The following FBXO11 variants were observed in gnomAD, a reference collection of about 807,000 sequenced individuals.
The protein encoded by FBXO11 is F-box protein 11, also known as F-box only protein 11.
FBXO11 carries 13 observed loss-of-function variants against 117.0 expected under a neutral mutation model. The observed-to-expected ratio is 0.11, with a 90% CI of 0.07 to 0.18. The LOEUF is 0.18. Among genes scored for constraint, FBXO11 ranks in the 10% least tolerant of loss-of-function variants. FBXO11 has a pLI of 1.00. For synonymous variants in FBXO11, 490 were observed against 380.5 expected (o/e 1.29, Z -3.35); for missense variants, 767 against 1,164.4 (o/e 0.66, Z 4.97).
chr2:47,899,211 T>G (rs1320359520), intron 1 of FBXO11, among the ~76,000 whole-genome samples: 4 of 150,580 alleles, frequency 2.7e-5, no homozygotes, highest in Admixed American at 2.0e-4. Flanking sequence ...GAGGCGGAGC[T>G]TGCGGTGAGC....
At chr2:47,838,797 GTTTAGCAT>G in intron 4 of FBXO11, 54 bp downstream of exon 4, 1 of 1,520,548 alleles carries the variant, frequency 6.6e-7, no homozygotes. Context: ...TTCCTACCAT[GTTTAGCAT>G]TTTGGGCAAC....
intron 1 of FBXO11, among the ~76,000 whole-genome samples, chr2:47,872,996 A>G (rs1421432314): frequency 6.6e-6 from 1 of 152,194 alleles, no homozygotes; most frequent in Non-Finnish European, 1.5e-5. Context: ...GGGCTCCACA[A>G]GCAGTTAAAA....
At chr2:47,879,339 A>G (rs1676263188) in intron 1 of FBXO11, among the ~76,000 whole-genome samples, 1 of 152,192 alleles carries the variant, frequency 6.6e-6, no homozygotes, top group Non-Finnish European at 1.5e-5. Context: ...ATATTGACCA[A>G]TTGCCTTCCA....
chr2:47,824,258 A>G (rs1316649709), intron 11 of FBXO11, among the ~76,000 whole-genome samples: 1 of 152,182 alleles, frequency 6.6e-6, no homozygotes, highest in Non-Finnish European at 1.5e-5. Context: ...AAGACCGAGC[A>G]GGGAGGACTG....
intron 1 of FBXO11, chr2:47,865,981 T>C (rs1675163675): frequency 6.6e-6 from 1 of 152,120 alleles, no homozygotes; most frequent in African/African-American, 2.4e-5. Context: ...TCAGGTACAG[T>C]GGCTCATGCC....
intron 5 of FBXO11, 26 bp downstream of exon 5, chr2:47,835,846 C>G: frequency 6.5e-7 from 1 of 1,532,968 alleles, no homozygotes; most frequent in Non-Finnish European, 8.9e-7. Context: ...TAATATAAAC[C>G]AATATATTCT....
chr2:47,852,850 C>T (rs1231002276), intron 1 of FBXO11, among the ~76,000 whole-genome samples: 1 of 152,036 alleles, frequency 6.6e-6, no homozygotes, highest in Non-Finnish European at 1.5e-5. Flanking sequence ...GATGAGGAAA[C>T]CAGGCAAAGA....
chr2:47,819,477 G>C (rs538789387), intron 14 of FBXO11, among the ~76,000 whole-genome samples: 1 of 152,308 alleles, frequency 6.6e-6, no homozygotes, highest in African/African-American at 2.4e-5. Context: ...GCCTCCCAAA[G>C]TGCTGGGATT....
chr2:47,825,013 C>T (rs1671644864), intron 11 of FBXO11, among the ~76,000 whole-genome samples: 1 of 152,124 alleles, frequency 6.6e-6, no homozygotes, highest in South Asian at 2.1e-4. Flanking sequence ...ACTGTAAGCT[C>T]CTGTCTGGAC....
chr2:47,861,630 G>C (rs1196589073), intron 1 of FBXO11, among the ~76,000 whole-genome samples: 1 of 152,076 alleles, frequency 6.6e-6, no homozygotes, highest in African/African-American at 2.4e-5. Flanking sequence ...CCCATTTATG[G>C]TGACTCCATA....
intron 1 of FBXO11, among the ~76,000 whole-genome samples, chr2:47,846,148 GCCAA>G (rs530469615): frequency 6.6e-5 from 10 of 152,278 alleles, no homozygotes; most frequent in Middle Eastern, 3.4e-3. Flanking sequence ...ATGGTTTTGT[GCCAA>G]CAAGTCTAAA....
Position 47,839,023 on chromosome 2 carries a change from TA to T in FBXO11, c.443-21del, listed in dbSNP as rs1558430248. 6.3e-7 allele frequency: 1 copy of T among 1,591,324 alleles called. No homozygotes were observed. Among genetic ancestry groups the T allele is most frequent in the Non-Finnish European group, 8.6e-7 (1 of 1,168,856 alleles). On this transcript the variant is annotated intron_variant, in intron 3 of 22. Transcript: ENST00000403359. ...GTGCTGCTATAAAGAGATTAACATA[TA>T]AACTATCATTCGAGCAATAACTTTC...
intron 21 of FBXO11, chr2:47,808,917 G>C (rs1006973586): frequency 1.6e-5 from 6 of 369,008 alleles, no homozygotes; most frequent in African/African-American, 6.4e-5. Context: ...GGCTGGTTTA[G>C]AACTCCTGGG....
chr2:47,905,972 G>A lies in FBXO11; in HGVS notation c.-252C>T, dbSNP rs900165165. On this transcript the variant is annotated 5_prime_UTR_variant, in exon 1 of 23. Coordinates refer to ENST00000403359, the MANE Select transcript of FBXO11 (RefSeq NM_001190274.2). ...ACGCACGGGGAAGGCCGAAGCCGCCGGGCGGGGCGGCCGCGAGGGACGAAG... is the reference window on the plus strand; with the variant it reads ...ACGCACGGGGAAGGCCGAAGCCGCCAGGCGGGGCGGCCGCGAGGGACGAAG... The A allele has an allele frequency of 1.9e-5, 8 of 412,112 alleles. No individual in the cohort carries two copies. The highest frequency in any genetic ancestry group is 4.2e-5 in the African/African-American group (2 of 47,534). The allele number at this position is 412,112 out of a possible 1,614,324, so 25.5% of individuals were successfully genotyped here.
chr2:47,839,917 G>C, intron 1 of FBXO11, 148 bp from the exon 2 acceptor site: 1 of 615,946 alleles, frequency 1.6e-6, no homozygotes, highest in South Asian at 2.4e-5. Flanking sequence ...CTATATGAAA[G>C]AAATGTTAGA....
chr2:47,845,456 G>C (rs958139849), intron 1 of FBXO11, among the ~76,000 whole-genome samples: 1 of 152,134 alleles, frequency 6.6e-6, no homozygotes, highest in East Asian at 1.9e-4. Flanking sequence ...ACTACTGACT[G>C]TTCTGAGAAT....
chr2:47,829,948 T>C (rs956950420), intron 11 of FBXO11, among the ~76,000 whole-genome samples: 1 of 151,510 alleles, frequency 6.6e-6, no homozygotes, highest in African/African-American at 2.4e-5. Context: ...ATTAAAAAAA[T>C]GTAAAAATTA....
chr2:47,905,504 T>A lies in FBXO11; in HGVS notation c.217A>T (p.Asn73Tyr). 8.1e-7 allele frequency: 1 copy of A among 1,232,120 alleles called. No individual in the cohort carries two copies. Among genetic ancestry groups the A allele is most frequent in the Non-Finnish European group, 1.0e-6 (1 of 988,966 alleles). 76.3% of individuals were successfully genotyped at this position (1,232,120 alleles called of 1,614,324 possible). A position where few individuals can be genotyped will look rare whatever the true frequency, so the allele number is the denominator to read the frequency against. The change falls in exon 1 of 23, where the codon AAC (asparagine) becomes TAC (tyrosine). Residue 73 changes from asparagine to tyrosine, a missense_variant. Around this residue, in one of 10 missense-constraint regions of FBXO11, gnomAD observed 355 missense variants for 299.8 expected, o/e 1.18. Coordinates refer to ENST00000403359, the MANE Select transcript of FBXO11 (RefSeq NM_001190274.2). ...GCGGCCTTACCCCGCTCGCCGACGTTGTTCCGCTCCTGAGGCAGCGGCGGA... is the reference window on the plus strand; with the variant it reads ...GCGGCCTTACCCCGCTCGCCGACGTAGTTCCGCTCCTGAGGCAGCGGCGGA... ...PPPPLPQERN[N>Y]VGERDDDVPA...
intron 1 of FBXO11, among the ~76,000 whole-genome samples, chr2:47,884,690 G>C (rs1044061282): frequency 6.6e-6 from 1 of 152,164 alleles, no homozygotes; most frequent in Non-Finnish European, 1.5e-5. Flanking sequence ...GTTCCTTACA[G>C]TGTAACTTCA....
Sources: allele counts gnomAD v4.1 joint callset (sites outside exome capture counted in the v4.1 genomes callset), GRCh38; gene constraint gnomAD v4.1.1; regional missense constraint gnomAD v4.1.1; transcripts MANE v1.5; gene names NCBI Gene and HGNC (gene_info 2026-07-23, HGNC 2026-07-21).